MGRN1: variants seen among roughly 807,000 people sequenced by gnomAD.
The protein encoded by MGRN1 is mahogunin ring finger 1.
In MGRN1, 29 loss-of-function variants were observed where a neutral mutation model predicts 69.2. The ratio of observed to expected loss-of-function variants is 0.42; its 90% CI spans 0.31 to 0.57. The LOEUF is 0.57. MGRN1 is among the 20% of genes least tolerant of loss of function. The pLI is 0.15. For missense variants in MGRN1, 998 were observed against 796.2 expected (o/e 1.25, Z -3.05); for synonymous variants, 470 against 344.2 (o/e 1.37, Z -4.04).
chr16:4,624,861 G>A lies in MGRN1; in HGVS notation c.-100G>A, dbSNP rs929027223. 3.0e-6 allele frequency: 3 copies of A among 997,836 alleles called. No individual in the cohort carries two copies. Among genetic ancestry groups the A allele is most frequent in the Non-Finnish European group, 4.1e-6 (3 of 739,406 alleles). 61.8% of individuals were successfully genotyped at this position (997,836 alleles called of 1,614,324 possible). A position where few individuals can be genotyped will look rare whatever the true frequency, so the allele number is the denominator to read the frequency against. ...GGCGCCTCCGCGGCCGTGGACGAGC[G>A]TCCGTGCGGCCTGGTCCGGGCCATG... On this transcript the variant is annotated 5_prime_UTR_variant, in exon 1 of 17. Transcript: ENST00000262370.
chr16:4,637,690 C>G (rs946882186), intron 1 of MGRN1, among the ~76,000 whole-genome samples: 2 of 152,248 alleles, frequency 1.3e-5, no homozygotes, highest in Admixed American at 6.5e-5. Context: ...ATCCTGCAGT[C>G]CTGCAGAGCG....
chr16:4,688,712 C>T, intron 16 of MGRN1, 84 bp from the exon 17 acceptor site: 2 of 1,477,860 alleles, frequency 1.4e-6, no homozygotes, highest in South Asian at 1.3e-5. Flanking sequence ...GGCCCAGCCC[C>T]TCTGGGGCTC....
rs780167471 is a variant in MGRN1 at position 4,650,490 on chromosome 16, C to T, written c.207+7C>T. 6 of 1,598,722 alleles carry T rather than the reference C, an allele frequency of 3.8e-6. No homozygotes were observed. In the South Asian group the frequency reaches 5.6e-5, roughly 15 times the overall value. On this transcript the variant is annotated splice_region_variant and intron_variant, in intron 2 of 16. Coordinates refer to ENST00000262370, the MANE Select transcript of MGRN1 (RefSeq NM_015246.4). ...GGGCAGCCGCCCGGTCCAGGTGGGT[C>T]TGGACAGGGCTGTCTCATGGGGCTG...
chr16:4,635,349 G>A (rs559914375), intron 1 of MGRN1, among the ~76,000 whole-genome samples: 1 of 152,246 alleles, frequency 6.6e-6, no homozygotes, highest in Admixed American at 6.5e-5. Flanking sequence ...ACCAGGAGGT[G>A]GAGTTCACAG....
intron 1 of MGRN1, among the ~76,000 whole-genome samples, chr16:4,648,204 G>A (rs1478370322): frequency 6.6e-6 from 1 of 152,164 alleles, no homozygotes; most frequent in East Asian, 1.9e-4. Context: ...AAATCCACAG[G>A]TCCCTGCAGC....
At chr16:4,658,432 A>G (rs983398383) in intron 5 of MGRN1, among the ~76,000 whole-genome samples, 47 of 151,920 alleles carry the variant, frequency 3.1e-4, no homozygotes, top group Admixed American at 2.7e-3. Flanking sequence ...CCTACTGGGG[A>G]GGCTGAGGCA....
At chr16:4,676,440 C>A (rs2079054737) in intron 10 of MGRN1, among the ~76,000 whole-genome samples, 1 of 152,188 alleles carries the variant, frequency 6.6e-6, no homozygotes, top group Non-Finnish European at 1.5e-5. Flanking sequence ...GAGTCCAATT[C>A]TGGAATCTTC....
chr16:4,675,428 A>G (rs1249523545), intron 10 of MGRN1, among the ~76,000 whole-genome samples: 1 of 152,196 alleles, frequency 6.6e-6, no homozygotes, highest in Non-Finnish European at 1.5e-5. Context: ...TAAAGGTAAA[A>G]TAGAAAATAT....
At chr16:4,655,414 C>T (rs1022624752) in intron 4 of MGRN1, among the ~76,000 whole-genome samples, 1 of 152,202 alleles carries the variant, frequency 6.6e-6, no homozygotes, top group Non-Finnish European at 1.5e-5. Flanking sequence ...CACAGTCCCC[C>T]CCTCTCAGGA....
chr16:4,683,010 C>G, intron 14 of MGRN1, 64 bp downstream of exon 14: 3 of 1,490,994 alleles, frequency 2.0e-6, no homozygotes, highest in African/African-American at 2.8e-5. Context: ...GCTTCTGTCG[C>G]TGGAATCAGA....
intron 9 of MGRN1, among the ~76,000 whole-genome samples, chr16:4,671,786 G>A (rs1038733624): frequency 1.3e-5 from 2 of 152,318 alleles, no homozygotes; most frequent in South Asian, 2.1e-4. Flanking sequence ...GAGACAGCAC[G>A]TCCCTGCAGC....
At chr16:4,686,351 G>A (rs868391007) in intron 16 of MGRN1, 4 of 1,535,980 alleles carry the variant, frequency 2.6e-6, no homozygotes, top group African/African-American at 2.7e-5. Flanking sequence ...GCGCGTCCTT[G>A]GAGAGAGGAG....
intron 1 of MGRN1, chr16:4,635,042 G>C (rs984969923): frequency 6.6e-6 from 1 of 152,348 alleles, no homozygotes. Context: ...CTGGGGAATC[G>C]AAAGAAAGAA....
intron 1 of MGRN1, among the ~76,000 whole-genome samples, chr16:4,645,366 C>T (rs1471174583): frequency 6.6e-6 from 1 of 151,972 alleles, no homozygotes; most frequent in Non-Finnish European, 1.5e-5. Flanking sequence ...ACAGCGTCTC[C>T]CTATGTTGCC....
At chr16:4,642,327 G>T (rs999817355) in intron 1 of MGRN1, among the ~76,000 whole-genome samples, 1 of 151,458 alleles carries the variant, frequency 6.6e-6, no homozygotes, top group Non-Finnish European at 1.5e-5. Flanking sequence ...AAACGGAGTC[G>T]TCTTCTGTCA....
chr16:4,624,832 T>C lies in MGRN1; in HGVS notation c.-129T>C. The C allele has an allele frequency of 4.4e-6, 3 of 682,002 alleles. No individual in the cohort carries two copies. The highest frequency in any genetic ancestry group is 6.3e-6 in the Non-Finnish European group (3 of 473,768). The allele number at this position is 682,002 out of a possible 1,614,324, so 42.2% of individuals were successfully genotyped here. A position where few individuals can be genotyped will look rare whatever the true frequency, so the allele number is the denominator to read the frequency against. The stretch of plus-strand genomic sequence containing the variant: ...CCCGGGCCGAGCCGGGGGTGGGGGC[T>C]CGAGGCGCCTCCGCGGCCGTGGACG... On this transcript the variant is annotated 5_prime_UTR_variant, in exon 1 of 17. Transcript: ENST00000262370.
intron 5 of MGRN1, among the ~76,000 whole-genome samples, chr16:4,660,615 T>A (rs891102382): frequency 6.6e-6 from 1 of 151,426 alleles, no homozygotes; most frequent in Non-Finnish European, 1.5e-5. Context: ...GGCGCGGGGG[T>A]GGATGCGCTC....
chr16:4,642,373 C>A (rs980294258), intron 1 of MGRN1, among the ~76,000 whole-genome samples: 1 of 152,034 alleles, frequency 6.6e-6, no homozygotes, highest in African/African-American at 2.4e-5. Context: ...TCTCCGCTCA[C>A]GGTAACCTTC....
At chr16:4,686,056 C>T (rs975537341) in intron 16 of MGRN1, among the ~76,000 whole-genome samples, 2 of 152,004 alleles carry the variant, frequency 1.3e-5, no homozygotes, top group Non-Finnish European at 2.9e-5. Context: ...AGGGGCAGGG[C>T]CAGTGCGCTC....
Sources: gnomAD v4.1 joint callset for allele counts (sites outside exome capture counted in the v4.1 genomes callset) on GRCh38, gnomAD v4.1.1 for gene constraint, MANE v1.5 for transcripts, NCBI Gene and HGNC (gene_info 2026-07-23, HGNC 2026-07-21) for gene names.